TNFRSF19: variants seen among roughly 807,000 people sequenced by gnomAD.
TNFRSF19 encodes TNF receptor superfamily member 19, also known as tumor necrosis factor receptor superfamily member 19.
A neutral mutation model predicts 46.4 loss-of-function variants in TNFRSF19; 27 were observed. The ratio of observed to expected loss-of-function variants is 0.58; its 90% CI spans 0.43 to 0.80. The LOEUF (loss-of-function observed/expected upper bound fraction) is 0.80. Among genes scored for constraint, TNFRSF19 ranks in the 30% least tolerant of loss-of-function variants. The pLI is 0.00. For missense variants in TNFRSF19, 511 were observed against 530.8 expected, an observed-to-expected ratio of 0.96 and a Z score of 0.37; for synonymous variants, 204 against 205.0, an observed-to-expected ratio of 1.00 and a Z score of 0.04.
At chr13:23,584,520 G>T (rs775851479) in intron 1 of TNFRSF19, among the ~76,000 whole-genome samples, 1 of 151,382 alleles carries the variant, frequency 6.6e-6, no homozygotes, top group Non-Finnish European at 1.5e-5. Flanking sequence ...ACTACGAATT[G>T]TGCTGCTATA....
chr13:23,667,313 T>C lies in TNFRSF19; in HGVS notation c.737-667T>C, dbSNP rs117497511. 6.7e-4 allele frequency among the ~76,000 whole-genome samples: 102 copies of C among 152,332 alleles called. 2 individuals carry two copies. The East Asian group carries it at 0.019, about 28-fold the overall frequency. On this transcript the variant is annotated intron_variant, in intron 7 of 9. Transcript: ENST00000248484. Reference sequence around the variant, plus strand: ...CAAAATACATCCAGCTTCAGTGATATATTCAGCTTGTAAAGCTGTGTGCAC... The same window carrying C: ...CAAAATACATCCAGCTTCAGTGATACATTCAGCTTGTAAAGCTGTGTGCAC...
At chr13:23,656,519 A>AT (rs1167286455) in intron 5 of TNFRSF19, among the ~76,000 whole-genome samples, 1 of 152,310 alleles carries the variant, frequency 6.6e-6, no homozygotes, top group African/African-American at 2.4e-5. Context: ...TCTTACCAGG[A>AT]TTTTTCTGAA....
intron 1 of TNFRSF19, among the ~76,000 whole-genome samples, chr13:23,588,490 G>T (rs1879006502): frequency 6.6e-6 from 1 of 152,140 alleles, no homozygotes; most frequent in South Asian, 2.1e-4. Flanking sequence ...ATTCTATCCA[G>T]ACTAATTGCT....
At chr13:23,628,143 G>C (rs1306529262) in intron 5 of TNFRSF19, among the ~76,000 whole-genome samples, 2 of 152,144 alleles carry the variant, frequency 1.3e-5, no homozygotes, top group Admixed American at 6.5e-5. Context: ...GGTGAATCCT[G>C]TTCTGTTGTT....
At chr13:23,638,578 A>C (rs1305734120) in intron 5 of TNFRSF19, among the ~76,000 whole-genome samples, 1 of 152,160 alleles carries the variant, frequency 6.6e-6, no homozygotes, top group Non-Finnish European at 1.5e-5. Context: ...AGACCAAGTG[A>C]TCTGGAAGCA....
chr13:23,667,847 C>T, intron 7 of TNFRSF19, 133 bp from the exon 8 acceptor site: 1 of 672,748 alleles, frequency 1.5e-6, no homozygotes. Context: ...AAAAAGAGAA[C>T]CTTGTATTCC....
intron 7 of TNFRSF19, among the ~76,000 whole-genome samples, chr13:23,660,896 C>T (rs111364626): frequency 0.015 from 2,237 of 152,134 alleles, 23 homozygotes; most frequent in Non-Finnish European, 0.023. Flanking sequence ...TTTAGAATTT[C>T]TTAAAGAAGA....
At chr13:23,669,958 C>T (rs1951730538) in intron 9 of TNFRSF19, among the ~76,000 whole-genome samples, 1 of 152,160 alleles carries the variant, frequency 6.6e-6, no homozygotes, top group Non-Finnish European at 1.5e-5. Context: ...CAAGACTCTG[C>T]CCCACAAAGA....
At chr13:23,628,128 A>G (rs1476759167) in intron 5 of TNFRSF19, among the ~76,000 whole-genome samples, 1 of 152,212 alleles carries the variant, frequency 6.6e-6, no homozygotes, top group Admixed American at 6.5e-5. Flanking sequence ...ACACTAGTCC[A>G]GAGAGGTGAA....
intron 1 of TNFRSF19, among the ~76,000 whole-genome samples, chr13:23,571,227 A>C (rs1283776548): frequency 1.3e-5 from 2 of 152,216 alleles, no homozygotes; most frequent in African/African-American, 2.4e-5. Context: ...CAGTCAGTGC[A>C]ACTTTGCTTG....
At chr13:23,580,148 A>G (rs1313260385) in intron 1 of TNFRSF19, among the ~76,000 whole-genome samples, 1 of 152,224 alleles carries the variant, frequency 6.6e-6, no homozygotes, top group Non-Finnish European at 1.5e-5. Context: ...TGGGACAGAA[A>G]TTTGGCTAAT....
rs370871685 is a variant in TNFRSF19 at position 23,590,735 on chromosome 13, C to T, written c.69+483C>T. The stretch of plus-strand genomic sequence containing the variant: ...AATTAATAAGTGAAAGATTGCTGCT[C>T]ATTCATGATATATGTAACAATTGTT... On this transcript the variant is annotated intron_variant, in intron 2 of 9. Transcript: ENST00000248484. Among the ~76,000 whole-genome samples the T allele has an allele frequency of 3.3e-5, 5 of 152,334 alleles. No homozygotes were observed. In the South Asian group the frequency reaches 6.2e-4, roughly 19 times the overall value.
chr13:23,667,068 TTGTG>T (rs140913976), intron 7 of TNFRSF19, among the ~76,000 whole-genome samples: 53 of 149,802 alleles, frequency 3.5e-4, no homozygotes, highest in African/African-American at 1.2e-3. Context: ...GTGTGTGTCT[TTGTG>T]TGTGTGTGTG....
chr13:23,651,951 A>G (rs546620061), intron 5 of TNFRSF19, among the ~76,000 whole-genome samples: 13 of 146,154 alleles, frequency 8.9e-5, no homozygotes, highest in African/African-American at 2.0e-4. Context: ...ACCTGAGCTC[A>G]GATCTAGATC....
At chr13:23,665,681 C>G (rs1222792572) in intron 7 of TNFRSF19, among the ~76,000 whole-genome samples, 1 of 151,928 alleles carries the variant, frequency 6.6e-6, no homozygotes, top group Non-Finnish European at 1.5e-5. Flanking sequence ...ATATGATGTC[C>G]CTCTACCCCT....
intron 5 of TNFRSF19, among the ~76,000 whole-genome samples, chr13:23,650,996 A>G (rs1416492625): frequency 1.3e-5 from 2 of 151,774 alleles, no homozygotes; most frequent in Non-Finnish European, 2.9e-5. Flanking sequence ...GTAGATCTGG[A>G]ATTTGTATGT....
intron 3 of TNFRSF19, among the ~76,000 whole-genome samples, chr13:23,598,797 T>C (rs780240507): frequency 7.2e-5 from 11 of 152,194 alleles, no homozygotes; most frequent in Non-Finnish European, 1.3e-4. Context: ...ATGTTACTAG[T>C]TGTGGAGAAG....
intron 1 of TNFRSF19, chr13:23,585,448 C>T (rs1593231644): frequency 6.6e-6 from 1 of 152,162 alleles, no homozygotes; most frequent in Non-Finnish European, 1.5e-5. Context: ...ACCATTCTTC[C>T]TCCTTAGTGA....
chr13:23,651,573 C>T (rs1041370134), intron 5 of TNFRSF19, among the ~76,000 whole-genome samples: 1 of 152,120 alleles, frequency 6.6e-6, no homozygotes, highest in African/African-American at 2.4e-5. Context: ...ACTTGATCTT[C>T]CCTACTACAT....
Sources: gnomAD v4.1 joint callset for allele counts (sites outside exome capture counted in the v4.1 genomes callset) on GRCh38, gnomAD v4.1.1 for gene constraint, MANE v1.5 for transcripts, NCBI Gene and HGNC (gene_info 2026-07-23, HGNC 2026-07-21) for gene names.